The following GASK1B variants were observed in gnomAD, a reference collection of about 807,000 sequenced individuals.
The protein encoded by GASK1B is golgi associated kinase 1B.
GASK1B carries 34 observed loss-of-function variants against 42.8 expected under a neutral mutation model. The ratio of observed to expected loss-of-function variants is 0.79; its 90% confidence interval spans 0.60 to 1.06. GASK1B has a LOEUF of 1.06. Among genes scored for constraint, GASK1B ranks in the 50% least tolerant of loss-of-function variants. The pLI is 0.00. For missense variants in GASK1B, 686 were observed against 661.0 expected, an observed-to-expected ratio of 1.04 and a Z score of -0.42; for synonymous variants, 262 against 259.1, an observed-to-expected ratio of 1.01 and a Z score of -0.11.
At chr4:158,154,823 A>C (rs1731697189) in intron 3 of GASK1B, among the ~76,000 whole-genome samples, 1 of 152,168 alleles carries the variant, frequency 6.6e-6, no homozygotes. Flanking sequence ...GCAAAGGCAT[A>C]AGAATGATAC....
chr4:158,151,238 A>G (rs1731544588), intron 3 of GASK1B, among the ~76,000 whole-genome samples: 1 of 152,218 alleles, frequency 6.6e-6, no homozygotes, highest in African/African-American at 2.4e-5. Context: ...AATTATGTAG[A>G]TGATCAATAT....
At chr4:158,135,918 A>C (rs1371601082) in intron 3 of GASK1B, among the ~76,000 whole-genome samples, 1 of 152,112 alleles carries the variant, frequency 6.6e-6, no homozygotes, top group Non-Finnish European at 1.5e-5. Flanking sequence ...GAGATACAAT[A>C]AGTGTATTTG....
At chr4:158,148,110 A>T (rs1189995649) in intron 3 of GASK1B, among the ~76,000 whole-genome samples, 1 of 152,170 alleles carries the variant, frequency 6.6e-6, no homozygotes, top group Non-Finnish European at 1.5e-5. Context: ...GTTACTCAGG[A>T]GGCTGAGGTG....
At chr4:158,143,520 G>T (rs6833295) in intron 3 of GASK1B, among the ~76,000 whole-genome samples, 77,071 of 151,826 alleles carry the variant, frequency 0.51, 21,208 homozygotes, top group East Asian at 0.8. Flanking sequence ...ACAGCATCCC[G>T]ATCTACATTG....
chr4:158,136,235 T>C (rs994875317), intron 3 of GASK1B, among the ~76,000 whole-genome samples: 1 of 151,900 alleles, frequency 6.6e-6, no homozygotes, highest in Admixed American at 6.6e-5. Context: ...AAGAAGGGTA[T>C]TGTTAGCTAG....
intron 3 of GASK1B, among the ~76,000 whole-genome samples, chr4:158,132,836 T>C (rs1015850883): frequency 5.3e-5 from 8 of 152,194 alleles, no homozygotes; most frequent in Admixed American, 3.9e-4. Context: ...GTCTAACCCA[T>C]AGTTCATCCA....
In GASK1B at chr4:158,157,785, A is replaced by G. The variant is rs997754819; in HGVS notation, c.911-1960T>C. 3.3e-5 allele frequency among the ~76,000 whole-genome samples: 5 copies of G among 152,250 alleles called. No homozygotes were observed. The East Asian group carries it at 9.6e-4, about 29-fold the overall frequency. ...TGGAGAAATATGGAAATTGATCTAC[A>G]TAAACAATTGAAACCTGCTGGGCTG... On this transcript the variant is annotated intron_variant, in intron 2 of 4. Coordinates refer to ENST00000585682, the MANE Select transcript of GASK1B (RefSeq NM_001128424.2).
At chr4:158,159,730 T>C (rs1338450226) in intron 2 of GASK1B, 1 of 173,160 alleles carries the variant, frequency 5.8e-6, no homozygotes, top group Non-Finnish European at 1.3e-5. Flanking sequence ...GGAAAGCTTC[T>C]TTTTTTCTGA....
rs765326669 is a variant in GASK1B, at chr4:158,127,441, GC to G, written c.1525del (p.Ala509HisfsTer9). 2 of 1,613,610 alleles carry G rather than the reference GC, an allele frequency of 1.2e-6. No homozygotes were observed. Among genetic ancestry groups the G allele is most frequent in the Admixed American group, 3.3e-5 (2 of 60,000 alleles). ...CATAGGTAATACTTTGACCCCGTGT[GC>G]ATTGATATAGGTGATAAGAATTTTG... The part of the protein sequence containing the change: ...RAKILITYIN[A>X]HGVKVLPMNE On this transcript the variant is annotated frameshift_variant, in exon 5 of 5. Coordinates refer to ENST00000585682, the MANE Select transcript of GASK1B (RefSeq NM_001128424.2). LOFTEE classifies it high-confidence loss of function.
At chr4:158,156,756 C>A (rs1731775870) in intron 2 of GASK1B, among the ~76,000 whole-genome samples, 1 of 152,090 alleles carries the variant, frequency 6.6e-6, no homozygotes, top group Admixed American at 6.6e-5. Flanking sequence ...ACTCAAAAAT[C>A]AGAATGATGT....
At chr4:158,136,944 C>T (rs1730915833) in intron 3 of GASK1B, among the ~76,000 whole-genome samples, 1 of 152,162 alleles carries the variant, frequency 6.6e-6, no homozygotes, top group South Asian at 2.1e-4. Context: ...AAAGTTGGCA[C>T]CCACTTTGTA....
At chr4:158,133,765 C>G (rs190876454) in intron 3 of GASK1B, among the ~76,000 whole-genome samples, 1 of 152,324 alleles carries the variant, frequency 6.6e-6, no homozygotes, top group Admixed American at 6.5e-5. Context: ...ACCTCCCTGA[C>G]AGACTGTTGT....
At chr4:158,144,986 G>GT (rs1333705796) in intron 3 of GASK1B, among the ~76,000 whole-genome samples, 1 of 152,172 alleles carries the variant, frequency 6.6e-6, no homozygotes, top group African/African-American at 2.4e-5. Flanking sequence ...GACTGTGAGT[G>GT]TGTTTCCTCA....
chr4:158,145,932 C>T (rs1456481918), intron 3 of GASK1B, among the ~76,000 whole-genome samples: 1 of 152,154 alleles, frequency 6.6e-6, no homozygotes, highest in Non-Finnish European at 1.5e-5. Context: ...ATTAAATAAA[C>T]AGTTATTCTT....
chr4:158,172,324 A>G (rs1322929229), intron 1 of GASK1B: 2 of 152,212 alleles, frequency 1.3e-5, no homozygotes, highest in African/African-American at 2.4e-5. Context: ...GAAACTCGTA[A>G]GCAACCTTAC....
intron 2 of GASK1B, among the ~76,000 whole-genome samples, chr4:158,165,740 G>A (rs1244512565): frequency 6.6e-6 from 1 of 152,136 alleles, no homozygotes; most frequent in East Asian, 1.9e-4. Flanking sequence ...GCAACGTGAG[G>A]AAACTTCAGT....
intron 3 of GASK1B, among the ~76,000 whole-genome samples, chr4:158,153,674 C>G (rs1004204519): frequency 6.6e-6 from 1 of 152,086 alleles, no homozygotes; most frequent in Non-Finnish European, 1.5e-5. Context: ...ACCAATGGAA[C>G]AGAATAGAGG....
Position 158,127,600 on chromosome 4 carries a change from G to T in GASK1B, c.1367C>A (p.Ala456Glu), listed in dbSNP as rs547887790. 5.3e-5 allele frequency: 86 copies of T among 1,612,564 alleles called. 1 individual carries two copies. In the South Asian group the frequency reaches 9.3e-4, roughly 18 times the overall value. Residue 456 changes from alanine to glutamate, a missense_variant, in exon 5 of 5, where the codon GCA becomes GAA. Transcript: ENST00000585682. ...GTGCTGGCTCTTCAAAACAGAAACT[G>T]CAGAAGCTGGAAACCTGAAAAGATA... ...LEGIKEFPAS[A>E]VSVLKSQHLR...
chr4:158,168,618 AAAG>A (rs1313630400), intron 2 of GASK1B: 1 of 152,204 alleles, frequency 6.6e-6, no homozygotes, highest in Non-Finnish European at 1.5e-5. Context: ...ACTGAGGCAT[AAAG>A]AGACATGGCA....
Sources: gnomAD v4.1 joint callset for allele counts (sites outside exome capture counted in the v4.1 genomes callset) on GRCh38, gnomAD v4.1.1 for gene constraint, MANE v1.5 for transcripts, NCBI Gene and HGNC (gene_info 2026-07-23, HGNC 2026-07-21) for gene names.